The following GALNT13 variants were observed in gnomAD, a reference collection of about 807,000 sequenced individuals.
The protein encoded by GALNT13 is UDP-GalNAc:polypeptide N-acetylgalactosaminyltransferase 13.
In GALNT13, 28 loss-of-function variants were observed where a neutral mutation model predicts 64.2. That is an observed-to-expected ratio of 0.44 (90% CI 0.32 to 0.60). GALNT13 has a LOEUF of 0.60. GALNT13 is among the 20% of genes least tolerant of loss of function. The pLI, the probability that GALNT13 is intolerant of heterozygous loss-of-function variation, is 0.05. For synonymous variants in GALNT13, 214 were observed against 224.6 expected, an observed-to-expected ratio of 0.95 and a Z score of 0.42; for missense variants, 577 against 669.8, an observed-to-expected ratio of 0.86 and a Z score of 1.53.
At chr2:153,959,132 C>T (rs1005866029) in intron 3 of GALNT13, among the ~76,000 whole-genome samples, 1 of 152,216 alleles carries the variant, frequency 6.6e-6, no homozygotes, top group Non-Finnish European at 1.5e-5. Flanking sequence ...GGGGCTATAA[C>T]CCACCATACT....
chr2:154,087,146 C>G (rs561247984), intron 3 of GALNT13, among the ~76,000 whole-genome samples: 1 of 151,692 alleles, frequency 6.6e-6, no homozygotes, highest in Admixed American at 6.6e-5. Context: ...AACAATGTTA[C>G]GTATAACATA....
At chr2:153,555,722 G>A in the GALNT13 span, among the ~76,000 whole-genome samples, 2 of 152,094 alleles carry the variant, frequency 1.3e-5, no homozygotes, top group Non-Finnish European at 2.9e-5. Flanking sequence ...AGCCTGTCTG[G>A]ACCCAGAGTC....
chr2:154,143,405 A>G (rs919649091), intron 4 of GALNT13, among the ~76,000 whole-genome samples: 8 of 152,240 alleles, frequency 5.3e-5, no homozygotes, highest in Admixed American at 1.3e-4. Flanking sequence ...ATACTTATAT[A>G]TTCCAGAAAA....
intron 3 of GALNT13, among the ~76,000 whole-genome samples, chr2:154,123,181 A>G (rs577567351): frequency 2.0e-5 from 3 of 152,194 alleles, no homozygotes; most frequent in Admixed American, 1.3e-4. Flanking sequence ...TTTGTAATCT[A>G]TAGAAACTTC....
At chr2:153,339,377 C>T in the GALNT13 span, among the ~76,000 whole-genome samples, 14 of 152,254 alleles carry the variant, frequency 9.2e-5, no homozygotes, top group South Asian at 1.5e-3. Context: ...CTGATGCTGG[C>T]CTTTTTTCTT....
chr2:154,250,435 AT>A (rs902000792), intron 7 of GALNT13, among the ~76,000 whole-genome samples: 3 of 151,444 alleles, frequency 2.0e-5, no homozygotes, highest in East Asian at 1.9e-4. Flanking sequence ...ATGTTTCTCT[AT>A]TTTTTTTGTT....
At chr2:154,258,495 A>C (rs1290647091) in intron 7 of GALNT13, among the ~76,000 whole-genome samples, 1 of 10,236 alleles carries the variant, frequency 9.8e-5, no homozygotes, top group Non-Finnish European at 2.3e-4. Flanking sequence ...CCTTATGTTA[A>C]AAAAAATACC....
intron 2 of GALNT13, among the ~76,000 whole-genome samples, chr2:153,934,016 G>A (rs1276197116): frequency 1.3e-5 from 2 of 152,002 alleles, no homozygotes; most frequent in African/African-American, 2.4e-5. Context: ...CTCTCTAGGG[G>A]CCTTTAACAT....
the GALNT13 span, among the ~76,000 whole-genome samples, chr2:153,482,769 C>CTT: frequency 7.5e-3 from 1,085 of 144,592 alleles, 13 homozygotes; most frequent in African/African-American, 0.025. Context: ...CGCACCCAGC[C>CTT]TTTTTTTTTT....
the GALNT13 span, among the ~76,000 whole-genome samples, chr2:153,350,900 C>T: frequency 3.7e-4 from 56 of 152,186 alleles, no homozygotes; most frequent in African/African-American, 1.3e-3. Context: ...CGAGAAAAAA[C>T]TCTGATTTAA....
the GALNT13 span, among the ~76,000 whole-genome samples, chr2:153,222,309 G>GC: frequency 9.2e-5 from 11 of 119,494 alleles, no homozygotes; most frequent in African/African-American, 3.3e-4. Context: ...AGTCTGGCTG[G>GC]GGGGGGGGGG....
At chr2:153,656,317 A>AGTGTGTGTGTGTGT in the GALNT13 span, among the ~76,000 whole-genome samples, 7,488 of 149,402 alleles carry the variant, frequency 0.05, 529 homozygotes, top group East Asian at 0.2. Flanking sequence ...GACTTAAAGA[A>AGTGTGTGTGTGTGT]GTGTGTGTGT....
At chr2:154,433,335 G>T (rs1700789425) in intron 11 of GALNT13, among the ~76,000 whole-genome samples, 1 of 152,230 alleles carries the variant, frequency 6.6e-6, no homozygotes, top group Non-Finnish European at 1.5e-5. Context: ...TTGCACTTCA[G>T]TTAAGAGGTG....
chr2:153,647,391 A>G, the GALNT13 span, among the ~76,000 whole-genome samples: 1 of 152,102 alleles, frequency 6.6e-6, no homozygotes, highest in South Asian at 2.1e-4. Context: ...GTAGATTGCA[A>G]AAATTTTCTC....
At chr2:153,963,689 TTCTC>T (rs1307960783) in intron 3 of GALNT13, among the ~76,000 whole-genome samples, 1 of 149,710 alleles carries the variant, frequency 6.7e-6, no homozygotes, top group Non-Finnish European at 1.5e-5. Context: ...GAGCATCAAT[TTCTC>T]TCTCTCTCTG....
chr2:154,391,234 T>C (rs1236927095), intron 9 of GALNT13, among the ~76,000 whole-genome samples: 1 of 152,176 alleles, frequency 6.6e-6, no homozygotes, highest in Non-Finnish European at 1.5e-5. Flanking sequence ...ATAGCCCTAG[T>C]GTATTCTCAA....
the GALNT13 span, among the ~76,000 whole-genome samples, chr2:153,590,617 T>A: frequency 5.3e-5 from 8 of 151,988 alleles, no homozygotes; most frequent in African/African-American, 1.9e-4. Flanking sequence ...CAAAACATTT[T>A]AAAAAACACA....
intron 9 of GALNT13, among the ~76,000 whole-genome samples, chr2:154,335,040 C>T (rs1695361473): frequency 6.6e-6 from 1 of 152,000 alleles, no homozygotes; most frequent in African/African-American, 2.4e-5. Context: ...ATAAAAGTCT[C>T]TTCACTCAGA....
chr2:153,713,366 A>G, the GALNT13 span, among the ~76,000 whole-genome samples: 1 of 152,218 alleles, frequency 6.6e-6, no homozygotes, highest in Non-Finnish European at 1.5e-5. Context: ...CACTGAAGCT[A>G]CAAACATCCT....
Sources: gnomAD v4.1 joint callset for allele counts (sites outside exome capture counted in the v4.1 genomes callset) on GRCh38, gnomAD v4.1.1 for gene constraint, MANE v1.5 for transcripts, NCBI Gene and HGNC (gene_info 2026-07-23, HGNC 2026-07-21) for gene names.